GRIA1: variants seen among roughly 807,000 people sequenced by gnomAD.
GRIA1 encodes the protein glutamate ionotropic receptor AMPA type subunit 1, also known as glutamate receptor 1.
A neutral mutation model predicts 99.2 loss-of-function variants in GRIA1; 31 were observed. The ratio of observed to expected loss-of-function variants is 0.31; its 90% CI spans 0.23 to 0.42. The LOEUF is 0.42. Ranked by LOEUF, GRIA1 falls within the 10% of genes least tolerant of loss-of-function variation. GRIA1 has a pLI of 1.00. For missense variants in GRIA1, 782 were observed against 1,157.5 expected (o/e 0.68, Z 4.71); for synonymous variants, 438 against 432.4 (o/e 1.01, Z -0.16).
chr5:153,598,161 GTTA>G (rs1477143314), intron 2 of GRIA1, among the ~76,000 whole-genome samples: 1 of 151,618 alleles, frequency 6.6e-6, no homozygotes, highest in Non-Finnish European at 1.5e-5. Flanking sequence ...ACTATCACAT[GTTA>G]TTATATATTA....
intron 11 of GRIA1, among the ~76,000 whole-genome samples, chr5:153,730,705 C>T (rs1760945729): frequency 6.6e-6 from 1 of 152,088 alleles, no homozygotes; most frequent in Admixed American, 6.6e-5. Context: ...TGTCATTGAG[C>T]AGCCTTGAAA....
chr5:153,735,313 C>T (rs1250699683), intron 11 of GRIA1, among the ~76,000 whole-genome samples: 1 of 152,200 alleles, frequency 6.6e-6, no homozygotes, highest in Non-Finnish European at 1.5e-5. Context: ...AAGAGCCAAG[C>T]TCCCCAAGTG....
chr5:153,641,553 G>A (rs1753779757), intron 2 of GRIA1, among the ~76,000 whole-genome samples: 1 of 152,104 alleles, frequency 6.6e-6, no homozygotes, highest in South Asian at 2.1e-4. Context: ...TCTGATTGTT[G>A]GACACGCTCT....
intron 2 of GRIA1, among the ~76,000 whole-genome samples, chr5:153,515,716 T>A (rs775383627): frequency 2.4e-4 from 36 of 152,248 alleles, no homozygotes; most frequent in Non-Finnish European, 2.4e-4. Flanking sequence ...AAGATCACAC[T>A]GTAACACAGA....
chr5:153,720,411 A>G (rs1759972935), intron 11 of GRIA1, among the ~76,000 whole-genome samples: 1 of 152,142 alleles, frequency 6.6e-6, no homozygotes, highest in African/African-American at 2.4e-5. Flanking sequence ...GCCACAGGAA[A>G]CCCTTCAAGA....
intron 14 of GRIA1, among the ~76,000 whole-genome samples, chr5:153,797,955 G>C (rs1581674379): frequency 6.6e-6 from 1 of 152,292 alleles, no homozygotes; most frequent in South Asian, 2.1e-4. Flanking sequence ...TCTCTAGGGA[G>C]AATTTTTAAA....
chr5:153,686,277 G>A lies in GRIA1; in HGVS notation c.1082G>A (p.Arg361Gln). The change falls in exon 8 of 16, where the codon CGG becomes CAG. Residue 361 changes from arginine (R) to glutamine (Q), a missense_variant. By Grantham distance (43) the Arg-to-Gln change is conservative. This residue lies in a region of GRIA1 where 461 missense variants were observed against 521.7 expected (regional missense o/e 0.88). Transcript: ENST00000285900. ...GTGCAGTTTAATGAGAAAGGACGCC[G>A]GACCAACTACACGCTCCACGTGATT... ...GNVQFNEKGR[R>Q]TNYTLHVIEM... The A allele has an allele frequency of 1.2e-6, 2 of 1,613,950 alleles. No individual in the cohort carries two copies. Among genetic ancestry groups the A allele is most frequent in the Non-Finnish European group, 1.7e-6 (2 of 1,179,870 alleles).
At chr5:153,780,441 T>C (rs1317563962) in intron 13 of GRIA1, among the ~76,000 whole-genome samples, 1 of 152,348 alleles carries the variant, frequency 6.6e-6, no homozygotes, top group East Asian at 1.9e-4. Flanking sequence ...CAACTGTTTC[T>C]TGGACAAGTG....
At chr5:153,510,240 G>A (rs1755928988) in intron 2 of GRIA1, among the ~76,000 whole-genome samples, 1 of 152,194 alleles carries the variant, frequency 6.6e-6, no homozygotes, top group South Asian at 2.1e-4. Context: ...ATAGGGCAAT[G>A]TTGACTAAAG....
chr5:153,510,689 T>C (rs1401469667), intron 2 of GRIA1, among the ~76,000 whole-genome samples: 1 of 152,196 alleles, frequency 6.6e-6, no homozygotes, highest in Non-Finnish European at 1.5e-5. Flanking sequence ...ATGTTTAAGT[T>C]GCATTGTTGA....
intron 5 of GRIA1, among the ~76,000 whole-genome samples, chr5:153,662,959 G>T (rs543185781): frequency 1.3e-5 from 2 of 151,962 alleles, no homozygotes; most frequent in South Asian, 2.1e-4. Flanking sequence ...TCCCTCTCCC[G>T]CTCTGCTCTC....
intron 7 of GRIA1, among the ~76,000 whole-genome samples, chr5:153,684,241 A>G (rs1757190421): frequency 2.7e-5 from 4 of 149,966 alleles, no homozygotes; most frequent in Admixed American, 2.0e-4. Context: ...CAAGTGTGTC[A>G]TAAACATGAA....
chr5:153,641,811 C>T (rs983839441), intron 2 of GRIA1, among the ~76,000 whole-genome samples: 1 of 152,198 alleles, frequency 6.6e-6, no homozygotes, highest in African/African-American at 2.4e-5. Context: ...GGTTAGGTGT[C>T]CCTGCCTGCT....
At chr5:153,765,301 C>T (rs1445554239) in intron 12 of GRIA1, among the ~76,000 whole-genome samples, 1 of 152,140 alleles carries the variant, frequency 6.6e-6, no homozygotes, top group African/African-American at 2.4e-5. Flanking sequence ...ACACCATTTC[C>T]ATTCATCCAT....
At chr5:153,490,115 T>C (rs1303202939), upstream of GRIA1, among the ~76,000 whole-genome samples, 1 of 151,714 alleles carries the variant, frequency 6.6e-6, no homozygotes, top group Non-Finnish European at 1.5e-5. Context: ...GAGGGATTTC[T>C]AGGGTCTTTC....
At chr5:153,679,601 G>A (rs987268539) in intron 7 of GRIA1, among the ~76,000 whole-genome samples, 13 of 152,224 alleles carry the variant, frequency 8.5e-5, no homozygotes, top group African/African-American at 2.9e-4. Flanking sequence ...GACCTCTGGA[G>A]CCTTCCATCC....
At chr5:153,654,347 G>A (rs1055646792) in intron 4 of GRIA1, among the ~76,000 whole-genome samples, 2 of 152,092 alleles carry the variant, frequency 1.3e-5, no homozygotes, top group African/African-American at 2.4e-5. Flanking sequence ...GTTTCAATTT[G>A]TACTTTCATC....
Position 153,764,515 on chromosome 5 carries a change from C to T in GRIA1, c.1905C>T (p.Ala635=), listed in dbSNP as rs372434271. 32 of 1,613,630 alleles carry T rather than the reference C, an allele frequency of 2.0e-5. No homozygotes were observed. The highest frequency in any genetic ancestry group is 6.7e-5 in the East Asian group (3 of 44,864). ...TCTCCTCATATACAGCCAATCTGGC[C>T]GCCTTCCTGACCGTGGAGAGGATGG... The part of the protein sequence containing the change: ...IIISSYTANL[A]AFLTVERMVS... The change falls in exon 12 of 16, where the codon GCC becomes GCT. Residue 635 remains alanine (A), a synonymous_variant. Transcript: ENST00000285900.
At position 153,646,951 on chromosome 5, in the gene GRIA1, G is replaced by C. The variant is rs1434259155; in HGVS notation, c.244G>C (p.Val82Leu). Residue 82 changes from valine (V) to leucine (L), a missense_variant, in exon 3 of 16, where the codon GTC becomes CTC. By Grantham distance (32) the Val-to-Leu change is conservative. Coordinates refer to ENST00000285900, the MANE Select transcript of GRIA1 (RefSeq NM_000827.4). ...YRFCSQFSKG[V>L]YAIFGFYERR... ...AGTCTGTTCCCAGTTCTCCAAAGGA[G>C]TCTATGCCATCTTTGGGTTTTATGA... 3 of 1,613,752 alleles carry C rather than the reference G, an allele frequency of 1.9e-6. No individual in the cohort carries two copies. Among genetic ancestry groups the C allele is most frequent in the African/African-American group, 1.3e-5 (1 of 74,884 alleles).
Sources: allele counts gnomAD v4.1 joint callset (sites outside exome capture counted in the v4.1 genomes callset), GRCh38; gene constraint gnomAD v4.1.1; regional missense constraint gnomAD v4.1.1; transcripts MANE v1.5; gene names NCBI Gene and HGNC (gene_info 2026-07-23, HGNC 2026-07-21).